Variants in KCNIP1 observed in about 807,000 individuals in gnomAD.
The protein encoded by KCNIP1 is potassium voltage-gated channel interacting protein 1.
In KCNIP1, 18 loss-of-function variants were observed where a neutral mutation model predicts 33.0. The observed-to-expected ratio is 0.55, with a 90% CI of 0.38 to 0.81. The LOEUF (loss-of-function observed/expected upper bound fraction) is 0.81, where lower values mean the gene tolerates loss of function less well. Among genes scored for constraint, KCNIP1 ranks in the 30% least tolerant of loss-of-function variants. The probability of loss-of-function intolerance (pLI) is 0.00; values close to 1 mark genes in which losing one functional copy is unlikely to be tolerated. For missense variants in KCNIP1, 238 were observed against 271.6 expected (o/e 0.88, Z 0.87); for synonymous variants, 93 against 98.3 (o/e 0.95, Z 0.32).
At chr5:170,496,864 C>T (rs1757320962) in intron 1 of KCNIP1, among the ~76,000 whole-genome samples, 1 of 152,162 alleles carries the variant, frequency 6.6e-6, no homozygotes. Flanking sequence ...ACTTCCACTC[C>T]TTCCAGCTCC....
intron 1 of KCNIP1, among the ~76,000 whole-genome samples, chr5:170,539,692 G>T (rs1756124625): frequency 6.6e-6 from 1 of 152,146 alleles, no homozygotes; most frequent in South Asian, 2.1e-4. Flanking sequence ...CGAAGAGCAG[G>T]GACCTGGCCT....
Position 170,504,599 on chromosome 5 carries a change from A to G in KCNIP1, c.27A>G (p.Ser9=). The G allele has an allele frequency of 1.9e-6, 3 of 1,613,664 alleles. No homozygotes were observed. The highest frequency in any genetic ancestry group is 2.5e-6 in the Non-Finnish European group (3 of 1,179,936). Residue 9 remains serine (S), a synonymous_variant, in exon 1 of 8, where the codon TCA becomes TCG. Transcript: ENST00000328939. This position sits in a 1 kb window ranked among gnomAD's most constrained non-coding sequence, Gnocchi z 6.0. ...TGGGGGCCGTCATGGGCACCTTCTCATCTCTGCAAACCAAACAAAGGCGAC... is the reference window on the plus strand; with the variant it reads ...TGGGGGCCGTCATGGGCACCTTCTCGTCTCTGCAAACCAAACAAAGGCGAC... MGAVMGTF[S]SLQTKQRRPS... is the part of the protein sequence containing the mutation.
chr5:170,392,336 G>T (rs78588587), intron 1 of KCNIP1, among the ~76,000 whole-genome samples: 3 of 152,140 alleles, frequency 2.0e-5, no homozygotes, highest in Non-Finnish European at 4.4e-5. Context: ...CAAAATCCAC[G>T]AGAAGAAAAA....
intron 1 of KCNIP1, among the ~76,000 whole-genome samples, chr5:170,369,716 T>C (rs1220526904): frequency 1.3e-5 from 2 of 152,250 alleles, no homozygotes; most frequent in Non-Finnish European, 2.9e-5. Flanking sequence ...CCCATGGGCT[T>C]CCTTGAGATA....
chr5:170,585,407 G>T (rs2113530755), intron 1 of KCNIP1, among the ~76,000 whole-genome samples: 1 of 152,242 alleles, frequency 6.6e-6, no homozygotes, highest in South Asian at 2.1e-4. Flanking sequence ...TTACCATGTT[G>T]CTTGTTGACT....
At chr5:170,618,106 T>A (rs1304655554) in intron 1 of KCNIP1, among the ~76,000 whole-genome samples, 1 of 152,216 alleles carries the variant, frequency 6.6e-6, no homozygotes, top group Non-Finnish European at 1.5e-5. Flanking sequence ...TGGTTTCATT[T>A]ACATAAGTGT....
chr5:170,637,337 C>T (rs144831421), intron 1 of KCNIP1, among the ~76,000 whole-genome samples: 1 of 152,256 alleles, frequency 6.6e-6, no homozygotes, highest in Non-Finnish European at 1.5e-5. Flanking sequence ...CACCGCACCC[C>T]TCCTCACCAG....
chr5:170,729,865 C>A (rs1295804794), intron 5 of KCNIP1, among the ~76,000 whole-genome samples: 2 of 152,010 alleles, frequency 1.3e-5, no homozygotes, highest in East Asian at 1.9e-4. Flanking sequence ...TAAAACCACA[C>A]CTTGGTATAT....
At chr5:170,727,201 A>C (rs1378961146) in intron 5 of KCNIP1, among the ~76,000 whole-genome samples, 1 of 152,264 alleles carries the variant, frequency 6.6e-6, no homozygotes, top group Non-Finnish European at 1.5e-5. Context: ...AGCCAGACGC[A>C]AATGAGTTTA....
chr5:170,438,418 C>T (rs1755914265), intron 1 of KCNIP1, among the ~76,000 whole-genome samples: 1 of 152,198 alleles, frequency 6.6e-6, no homozygotes, highest in South Asian at 2.1e-4. Flanking sequence ...GAGGAGCTGG[C>T]CCAGAGGCAG....
intron 1 of KCNIP1, among the ~76,000 whole-genome samples, chr5:170,475,474 G>A (rs1561642697): frequency 6.6e-6 from 1 of 152,220 alleles, no homozygotes; most frequent in Non-Finnish European, 1.5e-5. Flanking sequence ...CCACTGAGAG[G>A]TGACTCCCAC....
intron 1 of KCNIP1, among the ~76,000 whole-genome samples, chr5:170,505,286 C>T (rs1327574849): frequency 6.6e-6 from 1 of 152,178 alleles, no homozygotes; most frequent in East Asian, 1.9e-4. Context: ...TGTTCCTTCA[C>T]CACCTGTCCC....
At chr5:170,733,419 C>G (rs989998587) in intron 6 of KCNIP1, among the ~76,000 whole-genome samples, 1 of 152,222 alleles carries the variant, frequency 6.6e-6, no homozygotes, top group Non-Finnish European at 1.5e-5. Context: ...AGAGTTCACT[C>G]TAGTTCAACC....
chr5:170,542,504 A>G (rs1756251117), intron 1 of KCNIP1, among the ~76,000 whole-genome samples: 2 of 152,334 alleles, frequency 1.3e-5, no homozygotes, highest in South Asian at 4.1e-4. Flanking sequence ...AAAAGAAAAT[A>G]GGACACACAT....
intron 1 of KCNIP1, chr5:170,378,644 C>A: frequency 1.3e-6 from 2 of 1,527,452 alleles, no homozygotes; most frequent in South Asian, 1.3e-5. Flanking sequence ...TGGGGAGCAG[C>A]CCTGGGGGCC....
At chr5:170,579,359 A>G (rs1327143862) in intron 1 of KCNIP1, among the ~76,000 whole-genome samples, 1 of 152,106 alleles carries the variant, frequency 6.6e-6, no homozygotes, top group Non-Finnish European at 1.5e-5. Context: ...TAAAAAAATC[A>G]CCCCAAATAG....
chr5:170,573,060 C>T (rs917165369), intron 1 of KCNIP1, among the ~76,000 whole-genome samples: 4 of 152,134 alleles, frequency 2.6e-5, no homozygotes, highest in Non-Finnish European at 5.9e-5. Flanking sequence ...GGGGCCAGTC[C>T]CCAGCCCAGA....
At chr5:170,403,137 G>A (rs186070265) in intron 1 of KCNIP1, among the ~76,000 whole-genome samples, 5 of 152,246 alleles carry the variant, frequency 3.3e-5, no homozygotes, top group Admixed American at 2.6e-4. Context: ...TGTCCCTTTG[G>A]AGAATGGGTA....
chr5:170,449,413 C>T (rs1190266945), intron 1 of KCNIP1, among the ~76,000 whole-genome samples: 1 of 152,102 alleles, frequency 6.6e-6, no homozygotes, highest in Non-Finnish European at 1.5e-5. Context: ...TTTCTGAGGC[C>T]CAGATGAGCA....
Sources: allele counts gnomAD v4.1 joint callset (sites outside exome capture counted in the v4.1 genomes callset), GRCh38; gene constraint gnomAD v4.1.1; non-coding constraint Gnocchi (gnomAD v3.1); transcripts MANE v1.5; gene names NCBI Gene and HGNC (gene_info 2026-07-23, HGNC 2026-07-21).